Variants in ACOX3 observed in about 807,000 individuals in gnomAD.
The protein encoded by ACOX3 is acyl-CoA oxidase 3, pristanoyl.
A neutral mutation model predicts 81.5 loss-of-function variants in ACOX3; 73 were observed. The observed-to-expected ratio is 0.90, with a 90% CI of 0.74 to 1.09. The LOEUF (loss-of-function observed/expected upper bound fraction) is 1.09. Among genes scored for constraint, ACOX3 ranks in the 50% least tolerant of loss-of-function variants. ACOX3 has a pLI of 0.00. For missense variants in ACOX3, 947 were observed against 928.0 expected (o/e 1.02, Z -0.27); for synonymous variants, 387 against 375.1 (o/e 1.03, Z -0.37).
intron 15 of ACOX3, chr4:8,374,696 C>T: frequency 2.9e-6 from 1 of 343,206 alleles, no homozygotes; most frequent in Non-Finnish European, 5.3e-6. Flanking sequence ...CTGCTCTCTG[C>T]AGAGCCCGGC....
chr4:8,374,236 T>C (rs1716638540), intron 15 of ACOX3: 1 of 154,080 alleles, frequency 6.5e-6, no homozygotes, highest in South Asian at 2.0e-4. Flanking sequence ...GAACTGTGTC[T>C]CATCACTTAG....
intron 13 of ACOX3, among the ~76,000 whole-genome samples, 180 bp downstream of exon 13, chr4:8,388,993 C>T (rs969618943): frequency 7.2e-5 from 11 of 152,146 alleles, no homozygotes; most frequent in East Asian, 3.9e-4. Context: ...CCTAACTCGG[C>T]GTCAGGCACA....
chr4:8,405,844 C>G lies in ACOX3; in HGVS notation c.776+111G>C. Reference sequence around the variant, plus strand: ...GCGTAGGTCCCCACCGCATTTGAGTCTAAGAGGGCAGGGCATGGCATCCAT... The same window carrying G: ...GCGTAGGTCCCCACCGCATTTGAGTGTAAGAGGGCAGGGCATGGCATCCAT... On this transcript the variant is annotated intron_variant, in intron 7 of 17. Coordinates refer to ENST00000356406, the MANE Select transcript of ACOX3 (RefSeq NM_003501.3). This position sits in a 1 kb window ranked among gnomAD's most constrained non-coding sequence, Gnocchi z 7.1. 1 of 1,123,088 alleles carries G rather than the reference C, an allele frequency of 8.9e-7. No homozygotes were observed. Among genetic ancestry groups the G allele is most frequent in the Non-Finnish European group, 1.3e-6 (1 of 742,720 alleles). The allele number at this position is 1,123,088 out of a possible 1,614,324, so 69.6% of individuals were successfully genotyped here. A position where few individuals can be genotyped will look rare whatever the true frequency, so the allele number is the denominator to read the frequency against.
At chr4:8,356,957 C>A in the ACOX3 span, 1 of 454,614 alleles carries the variant, frequency 2.2e-6, no homozygotes, top group South Asian at 1.6e-5. Context: ...GTGAAGTGAG[C>A]AGAATGGTGC....
rs752511390 is a variant in ACOX3 at position 8,432,484 on chromosome 4, C to T, written c.-15+8164G>A. Among the ~76,000 whole-genome samples, 5 of 151,718 alleles carry T rather than the reference C, an allele frequency of 3.3e-5. No homozygotes were observed. Among genetic ancestry groups the T allele is most frequent in the Admixed American group, 3.3e-4 (5 of 15,214 alleles). ...TCCTGACCTTGTGATCCACCCACCT[C>T]GGCCTCCCAATGTGCTGGGATTACA... On this transcript the variant is annotated intron_variant, in intron 1 of 17. Transcript: ENST00000356406. This position sits in a 1 kb window ranked among gnomAD's most constrained non-coding sequence, Gnocchi z 6.2.
intron 15 of ACOX3, 167 bp downstream of exon 15, chr4:8,374,811 A>T (rs1021115705): frequency 2.7e-6 from 2 of 741,498 alleles, no homozygotes; most frequent in East Asian, 2.9e-5. Context: ...GCTCTGCCCC[A>T]TATGCTTCTC....
chr4:8,430,768 A>G lies in ACOX3; in HGVS notation c.-15+9880T>C, dbSNP rs1191873741. 6.6e-6 allele frequency among the ~76,000 whole-genome samples: 1 copy of G among 152,234 alleles called. No individual in the cohort carries two copies. Among genetic ancestry groups the G allele is most frequent in the African/African-American group, 2.4e-5 (1 of 41,458 alleles). On this transcript the variant is annotated intron_variant, in intron 1 of 17. Transcript: ENST00000356406. The surrounding 1 kb of genome is among the most constrained non-coding windows in gnomAD (Gnocchi z 5.2). Reference sequence around the variant, plus strand: ...CTACTTGGGAGGCTGAGGCAAGAGAATCGCCTGAACGCAGGAGGTAGAGGT... The same window carrying G: ...CTACTTGGGAGGCTGAGGCAAGAGAGTCGCCTGAACGCAGGAGGTAGAGGT...
intron 7 of ACOX3, among the ~76,000 whole-genome samples, chr4:8,401,975 C>G (rs1720418326): frequency 6.6e-6 from 1 of 152,220 alleles, no homozygotes; most frequent in Non-Finnish European, 1.5e-5. Context: ...TGCCTCTCAG[C>G]AGTCTCCCGG....
chr4:8,418,816 G>A (rs1722616864), intron 1 of ACOX3, among the ~76,000 whole-genome samples: 1 of 152,158 alleles, frequency 6.6e-6, no homozygotes, highest in Non-Finnish European at 1.5e-5. Context: ...CTGAGATTGT[G>A]CCATTGCACT....
rs1346356838 is a variant in ACOX3, at chr4:8,415,848, C to A, written c.296G>T (p.Ser99Ile). The A allele has an allele frequency of 6.2e-7, 1 of 1,614,164 alleles. No individual in the cohort carries two copies. Among genetic ancestry groups the A allele is most frequent in the Middle Eastern group, 1.6e-4 (1 of 6,062 alleles). ...AATCAAGGCGGGGACCTTCAGAGGG[C>A]TCTTGAACATGTCTTCGACACTGAG... ...DFLSVEDMFK[S>I]PLKVPALIQC... Residue 99 changes from serine to isoleucine, a missense_variant, in exon 3 of 18, where the codon AGC becomes ATC. Coordinates refer to ENST00000356406, the MANE Select transcript of ACOX3 (RefSeq NM_003501.3).
rs2108904610 is a variant in ACOX3 at position 8,400,202 on chromosome 4, G to A, written c.777-550C>T. 6.6e-6 allele frequency among the ~76,000 whole-genome samples: 1 copy of A among 151,990 alleles called. No homozygotes were observed. The highest frequency in any genetic ancestry group is 1.9e-4 in the East Asian group (1 of 5,178). ...GGCGGCGGAAGTTGCAGTGAGCCAA[G>A]ATCACGCCACTGCACTCCAGCCTTG... On this transcript the variant is annotated intron_variant, in intron 7 of 17. Coordinates refer to ENST00000356406, the MANE Select transcript of ACOX3 (RefSeq NM_003501.3). The surrounding 1 kb of genome is among the most constrained non-coding windows in gnomAD (Gnocchi z 4.4).
In ACOX3 at chr4:8,381,378, G is replaced by A. The variant is rs772436612; in HGVS notation, c.1653+114C>T. ...CATCAAGTCATCTGCCCAAGGTCAC[G>A]GGAGCTCGGGGTCTGGGGCCTGAAT... On this transcript the variant is annotated intron_variant, in intron 14 of 17. Transcript: ENST00000356406. The surrounding 1 kb of genome is among the most constrained non-coding windows in gnomAD (Gnocchi z 4.3). The A allele has an allele frequency of 2.0e-5, 18 of 881,692 alleles. No individual in the cohort carries two copies. Among genetic ancestry groups the A allele is most frequent in the Non-Finnish European group, 3.1e-5 (17 of 555,312 alleles). The allele number at this position is 881,692 out of a possible 1,614,324, so 54.6% of individuals were successfully genotyped here. A position where few individuals can be genotyped will look rare whatever the true frequency, so the allele number is the denominator to read the frequency against.
chr4:8,412,551 G>A (rs533749500), intron 5 of ACOX3, among the ~76,000 whole-genome samples: 1 of 152,318 alleles, frequency 6.6e-6, no homozygotes, highest in African/African-American at 2.4e-5. Context: ...TGGACAGATG[G>A]AAGAATGAAT....
At position 8,366,939 on chromosome 4, in the gene ACOX3, G is replaced by C. The variant is rs1301896654; in HGVS notation, c.*22C>G. The C allele has an allele frequency of 1.2e-6, 2 of 1,612,784 alleles. No homozygotes were observed. On this transcript the variant is annotated 3_prime_UTR_variant, in exon 18 of 18. Transcript: ENST00000356406. Reference sequence around the variant, plus strand: ...TAGTTCCCTTCGTTTCATTAGACTTGGCTGAATGTGTGCCAGTCCCACTAG... The same window carrying C: ...TAGTTCCCTTCGTTTCATTAGACTTCGCTGAATGTGTGCCAGTCCCACTAG...
intron 10 of ACOX3, among the ~76,000 whole-genome samples, chr4:8,393,610 C>G (rs1237435803): frequency 8.6e-6 from 1 of 115,742 alleles, no homozygotes; most frequent in Non-Finnish European, 1.9e-5. Flanking sequence ...GGAAGACACA[C>G]ACACGCACAC....
In ACOX3 at chr4:8,373,510, G is replaced by A. The variant is rs1187417448; in HGVS notation, c.1896+51C>T. Reference sequence around the variant, plus strand: ...ATGCTAAGGGGATGCGTGTCGCTCTGGGCGGTTGTGTAACATGGATGTAGA... The same window carrying A: ...ATGCTAAGGGGATGCGTGTCGCTCTAGGCGGTTGTGTAACATGGATGTAGA... On this transcript the variant is annotated intron_variant, in intron 16 of 17. Transcript: ENST00000356406. The A allele has an allele frequency of 5.0e-6, 8 of 1,594,448 alleles. No individual in the cohort carries two copies. The Admixed American group carries it at 6.7e-5, about 13-fold the overall frequency.
rs1033820257 is a variant in ACOX3 at position 8,366,382 on chromosome 4, T to C, written c.*579A>G. The C allele has an allele frequency of 2.0e-5, 3 of 152,290 alleles. No individual in the cohort carries two copies. The highest frequency in any genetic ancestry group is 7.2e-5 in the African/African-American group (3 of 41,436). The allele number at this position is 152,290 out of a possible 1,614,324, so 9.4% of individuals were successfully genotyped here. A position where few individuals can be genotyped will look rare whatever the true frequency, so the allele number is the denominator to read the frequency against. On this transcript the variant is annotated 3_prime_UTR_variant, in exon 18 of 18. Transcript: ENST00000356406. ...TCATTAGACTTTTTAAAAAAACATT[T>C]CCTCGATGGAAATTTCCAGTTCCAC...
chr4:8,417,646 A>G (rs933814539), intron 1 of ACOX3, among the ~76,000 whole-genome samples: 2 of 152,244 alleles, frequency 1.3e-5, no homozygotes, highest in African/African-American at 4.8e-5. Context: ...AGAAACACAA[A>G]GTAAACTTAA....
At chr4:8,424,046 C>T (rs1723214709) in intron 1 of ACOX3, among the ~76,000 whole-genome samples, 1 of 152,224 alleles carries the variant, frequency 6.6e-6, no homozygotes, top group Non-Finnish European at 1.5e-5. Flanking sequence ...CAGCTCTGCT[C>T]ACAGCAGGTT....
Sources: gnomAD v4.1 joint callset for allele counts (sites outside exome capture counted in the v4.1 genomes callset) on GRCh38, gnomAD v4.1.1 for gene constraint, Gnocchi (gnomAD v3.1) non-coding constraint, MANE v1.5 for transcripts, NCBI Gene and HGNC (gene_info 2026-07-23, HGNC 2026-07-21) for gene names.